FAM222B: variants seen among roughly 807,000 people sequenced by gnomAD.
FAM222B encodes the protein family with sequence similarity 222 member B.
FAM222B carries 12 observed loss-of-function variants against 38.0 expected under a neutral mutation model. That is an observed-to-expected ratio of 0.32 (90% confidence interval 0.20 to 0.51). The LOEUF (loss-of-function observed/expected upper bound fraction) is 0.51, where lower values mean the gene tolerates loss of function less well. Ranked by LOEUF, FAM222B falls within the 20% of genes least tolerant of loss-of-function variation. The pLI, the probability that FAM222B is intolerant of heterozygous loss-of-function variation, is 0.97. For missense variants in FAM222B, 716 were observed against 754.2 expected, an observed-to-expected ratio of 0.95 and a Z score of 0.59; for synonymous variants, 329 against 317.2, an observed-to-expected ratio of 1.04 and a Z score of -0.40.
intron 1 of FAM222B, among the ~76,000 whole-genome samples, chr17:28,784,451 T>C (rs746974798): frequency 2.5e-5 from 3 of 121,178 alleles, no homozygotes; most frequent in Non-Finnish European, 4.8e-5. Context: ...ATATCCACTG[T>C]ACTCCAGCCT....
At chr17:28,854,516 G>A (rs2039210998) in intron 1 of FAM222B, among the ~76,000 whole-genome samples, 1 of 152,196 alleles carries the variant, frequency 6.6e-6, no homozygotes, top group South Asian at 2.1e-4. Context: ...CAGGAACCTA[G>A]CCTAAAGCAA....
intron 1 of FAM222B, among the ~76,000 whole-genome samples, chr17:28,768,483 T>C (rs1244113049): frequency 1.3e-5 from 2 of 151,826 alleles, no homozygotes; most frequent in Non-Finnish European, 2.9e-5. Context: ...CTTTTTAAGA[T>C]CTCTGGTGGG....
chr17:28,792,575 G>C (rs2036749280), intron 1 of FAM222B, among the ~76,000 whole-genome samples: 2 of 151,986 alleles, frequency 1.3e-5, no homozygotes, highest in African/African-American at 4.8e-5. Flanking sequence ...GAGGTCAGGA[G>C]TTCAATACCA....
At position 28,758,921 on chromosome 17, in the gene FAM222B, G is replaced by C. The variant is rs1243124085; in HGVS notation, c.1038C>G (p.Pro346=). Residue 346 remains proline, a synonymous_variant, in exon 3 of 3, where the codon CCC becomes CCG. Coordinates refer to ENST00000581407, the MANE Select transcript of FAM222B (RefSeq NM_001077498.3). ...CAGTGGGGACGCGAGAGATGCCTGT[G>C]GGCAGGTTGACAGGACCTGCAGCAG... ...ALPAAGPVNL[P]TGISRVPTGY... 1 of 1,609,460 alleles carries C rather than the reference G, an allele frequency of 6.2e-7. No individual in the cohort carries two copies.
At chr17:28,800,585 G>C (rs1446597175) in intron 1 of FAM222B, among the ~76,000 whole-genome samples, 1 of 152,052 alleles carries the variant, frequency 6.6e-6, no homozygotes, top group East Asian at 1.9e-4. Flanking sequence ...AATATATCTG[G>C]CTGAAAAAGC....
chr17:28,765,037 A>G (rs1031868138), intron 2 of FAM222B, among the ~76,000 whole-genome samples: 2 of 152,196 alleles, frequency 1.3e-5, no homozygotes, highest in Admixed American at 6.5e-5. Context: ...TCATCACCCA[A>G]TCATCACTTA....
intron 1 of FAM222B, among the ~76,000 whole-genome samples, chr17:28,826,677 G>T (rs913077640): frequency 8.9e-6 from 1 of 111,878 alleles, no homozygotes. Context: ...GCAGAACTCC[G>T]TCTCAAAAAA....
intron 1 of FAM222B, among the ~76,000 whole-genome samples, chr17:28,835,088 C>T (rs2038798592): frequency 6.6e-6 from 1 of 151,070 alleles, no homozygotes; most frequent in African/African-American, 2.4e-5. Context: ...CTCTATCGCC[C>T]AGGCTAGAGT....
intron 1 of FAM222B, among the ~76,000 whole-genome samples, chr17:28,806,550 G>A (rs1192610422): frequency 6.6e-6 from 1 of 152,108 alleles, no homozygotes; most frequent in Non-Finnish European, 1.5e-5. Context: ...GAGTCCGGGA[G>A]TTCAAGGCCA....
chr17:28,843,819 A>G (rs1015173861), upstream of FAM222B, among the ~76,000 whole-genome samples: 1 of 152,132 alleles, frequency 6.6e-6, no homozygotes, highest in Non-Finnish European at 1.5e-5. Flanking sequence ...CAGCTTTGCC[A>G]TCCTAGAATA....
chr17:28,800,476 G>A (rs1396922850), intron 1 of FAM222B, among the ~76,000 whole-genome samples: 2 of 152,110 alleles, frequency 1.3e-5, no homozygotes, highest in African/African-American at 2.4e-5. Flanking sequence ...ACTTCTAGGC[G>A]CACTAAGGAA....
intron 1 of FAM222B, among the ~76,000 whole-genome samples, chr17:28,829,516 C>T (rs2038582318): frequency 6.6e-6 from 1 of 152,126 alleles, no homozygotes; most frequent in African/African-American, 2.4e-5. Context: ...TGATCTGTTC[C>T]CCACTGTCCT....
Position 28,758,362 on chromosome 17 carries a change from T to C in FAM222B, c.1597A>G (p.Met533Val), listed in dbSNP as rs749633926. The C allele has an allele frequency of 2.5e-6, 4 of 1,613,550 alleles. No individual in the cohort carries two copies. The African/African-American group carries it at 4.0e-5, about 16-fold the overall frequency. Reference protein sequence around the residue: ...QACFREQSLAMLSKAHRAPGN... With the variant: ...QACFREQSLAVLSKAHRAPGN... ...GGGGCTCGGTGGGCCTTGCTCAGCA[T>C]GGCCAGGCTCTGTTCTCGGAAGCAG... The change falls in exon 3 of 3, where the codon ATG (methionine) becomes GTG (valine). Residue 533 changes from methionine to valine, a missense_variant. Physicochemically the swap from Met to Val is conservative, Grantham distance 21 (BLOSUM62 1). Transcript: ENST00000581407.
At chr17:28,831,790 T>G (rs1398912170) in intron 1 of FAM222B, among the ~76,000 whole-genome samples, 6 of 152,102 alleles carry the variant, frequency 3.9e-5, no homozygotes, top group African/African-American at 1.4e-4. Context: ...GTGCTGAGAT[T>G]ACAGGCATGA....
chr17:28,816,606 C>T (rs2038034225), intron 1 of FAM222B, among the ~76,000 whole-genome samples: 1 of 151,262 alleles, frequency 6.6e-6, no homozygotes. Context: ...CCAATCAAAA[C>T]GACACAGTTC....
intron 1 of FAM222B, among the ~76,000 whole-genome samples, chr17:28,853,445 T>C (rs945599752): frequency 2.6e-5 from 4 of 152,016 alleles, no homozygotes; most frequent in African/African-American, 9.7e-5. Context: ...CCCAGGGAAT[T>C]TAGATACCAT....
chr17:28,761,566 A>G (rs1414774695), intron 2 of FAM222B, among the ~76,000 whole-genome samples: 3 of 152,226 alleles, frequency 2.0e-5, no homozygotes, highest in African/African-American at 7.2e-5. Context: ...CCTAGAACAA[A>G]GGTAGGCTAA....
chr17:28,780,432 A>C (rs1289191225), intron 1 of FAM222B, among the ~76,000 whole-genome samples: 1 of 152,206 alleles, frequency 6.6e-6, no homozygotes, highest in Non-Finnish European at 1.5e-5. Flanking sequence ...TAGCATAAGG[A>C]AATCAATGTA....
intron 1 of FAM222B, among the ~76,000 whole-genome samples, chr17:28,768,534 T>A (rs1479339798): frequency 1.3e-5 from 2 of 150,490 alleles, no homozygotes; most frequent in African/African-American, 4.9e-5. Flanking sequence ...CTTCAGTGCC[T>A]CAAGAAAAAA....
Sources: gnomAD v4.1 joint callset for allele counts (sites outside exome capture counted in the v4.1 genomes callset) on GRCh38, gnomAD v4.1.1 for gene constraint, MANE v1.5 for transcripts, NCBI Gene and HGNC (gene_info 2026-07-23, HGNC 2026-07-21) for gene names.